Variants in SBNO2 observed in about 807,000 individuals in gnomAD.
SBNO2 encodes protein strawberry notch homolog 2.
In SBNO2, 89 loss-of-function variants were observed where a neutral mutation model predicts 146.3. The observed-to-expected ratio is 0.61, with a 90% confidence interval of 0.51 to 0.73. SBNO2 has a LOEUF of 0.73. Ranked by LOEUF, SBNO2 falls within the 30% of genes least tolerant of loss-of-function variation. SBNO2 has a pLI of 0.00. For missense variants in SBNO2, 2,092 were observed against 2,003.7 expected (o/e 1.04, Z -0.84); for synonymous variants, 1,147 against 892.6 (o/e 1.29, Z -5.08).
chr19:1,110,887 G>C lies in SBNO2; in HGVS notation c.2886C>G (p.Asp962Glu), dbSNP rs2079749747. Residue 962 changes from aspartate (D) to glutamate (E), a missense_variant and splice_region_variant, in exon 26 of 32, where the codon GAC (aspartate) becomes GAG (glutamate). By Grantham distance (45) the Asp-to-Glu change is conservative (BLOSUM62 2). Coordinates refer to ENST00000361757, the MANE Select transcript of SBNO2 (RefSeq NM_014963.3). This position sits in a 1 kb window ranked among gnomAD's most constrained non-coding sequence, Gnocchi z 4.9. The part of the protein sequence containing the change: ...SRNGCLDVEK[D>E]CSITKFLNRI... ...GGTTCAGGAACTTGGTGATGGAACA[G>C]TCTGGTAGGGGAGGGAGCCAAGCCT... 6.2e-7 allele frequency: 1 copy of C among 1,613,538 alleles called. No homozygotes were observed. The highest frequency in any genetic ancestry group is 1.3e-5 in the African/African-American group (1 of 75,022).
In SBNO2 at chr19:1,147,353, C is replaced by T. The variant is rs761737284; in HGVS notation, c.235G>A (p.Ala79Thr). 3 of 1,567,278 alleles carry T rather than the reference C, an allele frequency of 1.9e-6. No individual in the cohort carries two copies. Among genetic ancestry groups the T allele is most frequent in the African/African-American group, 2.8e-5 (2 of 71,198 alleles). The change falls in exon 4 of 32, where the codon GCC (alanine) becomes ACC (threonine). Residue 79 changes from alanine (A) to threonine (T), a missense_variant. Coordinates refer to ENST00000361757, the MANE Select transcript of SBNO2 (RefSeq NM_014963.3). Reference protein sequence around the residue: ...PCPDTSYAPVATASSLPPKTC... With the variant: ...PCPDTSYAPVTTASSLPPKTC... Reference sequence around the variant, plus strand: ...TTTGGTGGCAAGCTGGAGGCGGTGGCCACGGGGGCATAGCTGGTGTCTGGG... The same window carrying T: ...TTTGGTGGCAAGCTGGAGGCGGTGGTCACGGGGGCATAGCTGGTGTCTGGG...
intron 11 of SBNO2, among the ~76,000 whole-genome samples, chr19:1,121,611 TC>T (rs1289037850): frequency 6.6e-6 from 1 of 152,058 alleles, no homozygotes; most frequent in Non-Finnish European, 1.5e-5. Context: ...CTGCTAACTG[TC>T]CTGGGTCTCC....
intron 17 of SBNO2, among the ~76,000 whole-genome samples, chr19:1,114,948 G>C (rs1369909226): frequency 1.3e-5 from 2 of 149,984 alleles, no homozygotes; most frequent in Non-Finnish European, 3.0e-5. Flanking sequence ...ATTTATTTTT[G>C]AGATGGAGTT....
Position 1,123,520 on chromosome 19 carries a change from G to A in SBNO2, c.628+14C>T. The A allele has an allele frequency of 6.2e-7, 1 of 1,609,448 alleles. No individual in the cohort carries two copies. The highest frequency in any genetic ancestry group is 2.2e-5 in the East Asian group (1 of 44,856). On this transcript the variant is annotated intron_variant, in intron 7 of 31. Coordinates refer to ENST00000361757, the MANE Select transcript of SBNO2 (RefSeq NM_014963.3). ...TGAACCTGTCCCAGGGCTGGGTGCA[G>A]CCGGGCCACTCACACTTGGACGGCA...
At chr19:1,116,184 C>T in intron 16 of SBNO2, 81 bp from the exon 17 acceptor site, 1 of 1,330,770 alleles carries the variant, frequency 7.5e-7, no homozygotes, top group Non-Finnish European at 1.0e-6. Context: ...GGACGCACCC[C>T]TGGGTCCCTG....
chr19:1,130,159 G>A (rs1057265371), intron 4 of SBNO2, among the ~76,000 whole-genome samples: 26 of 152,156 alleles, frequency 1.7e-4, no homozygotes, highest in African/African-American at 6.3e-4. Context: ...AGGACATGGG[G>A]GAAACTGAGG....
rs1420157118 is a variant in SBNO2, at chr19:1,112,242, G to C, written c.2575C>G (p.Leu859Val). 1 of 1,592,292 alleles carries C rather than the reference G, an allele frequency of 6.3e-7. No homozygotes were observed. The highest frequency in any genetic ancestry group is 1.8e-5 in the Admixed American group (1 of 56,918). ...APEYVFLISE[L>V]AGERRFASIV... The stretch of plus-strand genomic sequence containing the variant: ...GAGGCGAACCGGCGCTCCCCGGCCA[G>C]CTCCGAGATGAGGAAGACATACTCT... Residue 859 changes from leucine (L) to valine (V), a missense_variant, in exon 22 of 32, where the codon CTG becomes GTG. Coordinates refer to ENST00000361757, the MANE Select transcript of SBNO2 (RefSeq NM_014963.3). This position sits in a 1 kb window ranked among gnomAD's most constrained non-coding sequence, Gnocchi z 5.9.
At chr19:1,125,722 C>T (rs2079957782) in intron 5 of SBNO2, among the ~76,000 whole-genome samples, 2 of 151,534 alleles carry the variant, frequency 1.3e-5, no homozygotes, top group Admixed American at 6.6e-5. Context: ...GGGAGAATCC[C>T]GCCGGGTGCG....
At position 1,144,933 on chromosome 19, in the gene SBNO2, G is replaced by A. The variant is rs145118497; in HGVS notation, c.279+2376C>T. 4.0e-3 allele frequency among the ~76,000 whole-genome samples: 608 copies of A among 151,114 alleles called. 5 individuals are homozygous for A. The highest frequency in any genetic ancestry group is 0.014 in the African/African-American group (585 of 41,064). On this transcript the variant is annotated intron_variant, in intron 4 of 31. Coordinates refer to ENST00000361757, the MANE Select transcript of SBNO2 (RefSeq NM_014963.3). The surrounding 1 kb of genome is among the most constrained non-coding windows in gnomAD (Gnocchi z 4.1). ...ATGGAGACAGAGACAGAGAGACAGA[G>A]ACAGAGAGGGAGACAGAGACAAAGA...
At position 1,123,588 on chromosome 19, in the gene SBNO2, C is replaced by T; in HGVS notation, c.574G>A (p.Glu192Lys). 2 of 1,613,538 alleles carry T rather than the reference C, an allele frequency of 1.2e-6. No homozygotes were observed. Among genetic ancestry groups the T allele is most frequent in the Non-Finnish European group, 1.7e-6 (2 of 1,179,802 alleles). ...TCTGTGTGCCCCAGCTCCTCCGCCT[C>T]CTCCTCCTCAGCCTCGTCCTCCTCC... ...PEEEDEAEEE[E>K]AEELGHTETY... The change falls in exon 7 of 32, where the codon GAG (glutamate) becomes AAG (lysine). Residue 192 changes from glutamate to lysine, a missense_variant. Coordinates refer to ENST00000361757, the MANE Select transcript of SBNO2 (RefSeq NM_014963.3).
chr19:1,117,247 A>G (rs1208651217), intron 15 of SBNO2, 76 bp downstream of exon 15: 12 of 1,401,938 alleles, frequency 8.6e-6, no homozygotes, highest in South Asian at 1.4e-5. Context: ...AGGGGCCAGG[A>G]AGGACCTGGA....
Position 1,118,995 on chromosome 19 carries a change from G to A in SBNO2, c.1527+16C>T, listed in dbSNP as rs757732531. The A allele has an allele frequency of 1.7e-5, 26 of 1,570,832 alleles. No homozygotes were observed. The Admixed American group carries it at 3.2e-4, about 19-fold the overall frequency. ...GGAAACGCACAGGGGTCCCCGGGTC[G>A]GGTGCGCAGGCTCACCAGCAGGGCC... On this transcript the variant is annotated intron_variant, in intron 14 of 31. Coordinates refer to ENST00000361757, the MANE Select transcript of SBNO2 (RefSeq NM_014963.3).
In SBNO2 at chr19:1,136,010, T is replaced by A. The variant is rs1184435962; in HGVS notation, c.280-8245A>T. Among the ~76,000 whole-genome samples the A allele has an allele frequency of 2.0e-5, 3 of 150,128 alleles. No individual in the cohort carries two copies. The highest frequency in any genetic ancestry group is 2.0e-4 in the Admixed American group (3 of 15,116). On this transcript the variant is annotated intron_variant, in intron 4 of 31. Transcript: ENST00000361757. The surrounding 1 kb of genome is among the most constrained non-coding windows in gnomAD (Gnocchi z 4.2). Reference sequence around the variant, plus strand: ...TTTGGGAATCCGGTCCTTGCAGATGTGAGTGGTTAAAAAAAAAAAGGCCGC... The same window carrying A: ...TTTGGGAATCCGGTCCTTGCAGATGAGAGTGGTTAAAAAAAAAAAGGCCGC...
intron 15 of SBNO2, 46 bp downstream of exon 15, chr19:1,117,277 C>T (rs1295819362): frequency 5.9e-6 from 9 of 1,521,452 alleles, no homozygotes; most frequent in African/African-American, 4.2e-5. Context: ...GCCTCCGCCC[C>T]TGCAGGCCCG....
intron 4 of SBNO2, chr19:1,132,171 A>G: frequency 6.9e-7 from 1 of 1,441,112 alleles, no homozygotes; most frequent in Non-Finnish European, 9.1e-7. Context: ...TCCCCCAGGA[A>G]GCGCTGCCCG....
At chr19:1,170,444 G>T (rs1043089966) in intron 1 of SBNO2, among the ~76,000 whole-genome samples, 14 of 152,176 alleles carry the variant, frequency 9.2e-5, no homozygotes, top group Non-Finnish European at 1.3e-4. Flanking sequence ...CACCCACACT[G>T]CCGGGCGGAC....
At chr19:1,151,625 G>C (rs2080243322) in intron 2 of SBNO2, among the ~76,000 whole-genome samples, 1 of 152,224 alleles carries the variant, frequency 6.6e-6, no homozygotes, top group Admixed American at 6.5e-5. Context: ...ATGGGCACCT[G>C]ACCCTGCCCA....
In SBNO2 at chr19:1,144,645, C is replaced by G. The variant is rs552248282; in HGVS notation, c.279+2664G>C. Among the ~76,000 whole-genome samples the G allele has an allele frequency of 5.5e-4, 82 of 148,284 alleles. No individual in the cohort carries two copies. The highest frequency in any genetic ancestry group is 9.1e-4 in the Non-Finnish European group (61 of 67,056). On this transcript the variant is annotated intron_variant, in intron 4 of 31. Coordinates refer to ENST00000361757, the MANE Select transcript of SBNO2 (RefSeq NM_014963.3). This position sits in a 1 kb window ranked among gnomAD's most constrained non-coding sequence, Gnocchi z 4.1. ...AAACAGACGAAGACAGAGAGGGCGA[C>G]AGAGACAGAGGCAGAGAGGGAAACA...
Position 1,147,310 on chromosome 19 carries a change from T to C in SBNO2, c.278A>G (p.Gln93Arg), listed in dbSNP as rs1002701129. ...SLPPKTCDFA[Q>R]DSSYFEDFSN... ...GCGGTGAGCTCCTGGGGCTCCTACC[T>C]GAGCAAAGTCGCAGGTCTTTGGTGG... The change falls in exon 4 of 32, where the codon CAG becomes CGG. Residue 93 changes from glutamine (Q) to arginine (R), a missense_variant and splice_region_variant. Transcript: ENST00000361757. The C allele has an allele frequency of 3.2e-6, 5 of 1,577,354 alleles. No individual in the cohort carries two copies. The African/African-American group carries it at 4.2e-5, about 13-fold the overall frequency.
Sources: gnomAD v4.1 joint callset for allele counts (sites outside exome capture counted in the v4.1 genomes callset) on GRCh38, gnomAD v4.1.1 for gene constraint, Gnocchi (gnomAD v3.1) non-coding constraint, MANE v1.5 for transcripts, NCBI Gene and HGNC (gene_info 2026-07-23, HGNC 2026-07-21) for gene names.